The following PLVAP variants were observed in gnomAD, a reference collection of about 807,000 sequenced individuals.
PLVAP encodes plasmalemma vesicle associated protein.
PLVAP carries 34 observed loss-of-function variants against 43.1 expected under a neutral mutation model. That is an observed-to-expected ratio of 0.79 (90% CI 0.60 to 1.05). The LOEUF is 1.05. Ranked by LOEUF, PLVAP falls within the 50% of genes least tolerant of loss-of-function variation. The pLI is 0.00. For missense variants in PLVAP, 574 were observed against 593.4 expected (o/e 0.97, Z 0.34); for synonymous variants, 241 against 237.3 (o/e 1.02, Z -0.14).
chr19:17,371,512 C>T (rs2074572069), intron 1 of PLVAP, among the ~76,000 whole-genome samples: 1 of 151,504 alleles, frequency 6.6e-6, no homozygotes, highest in South Asian at 2.1e-4. Context: ...TTTTTTGAGA[C>T]ATGGTCTCAC....
At chr19:17,359,815 C>A (rs2074521140) in intron 5 of PLVAP, among the ~76,000 whole-genome samples, 1 of 151,792 alleles carries the variant, frequency 6.6e-6, no homozygotes, top group African/African-American at 2.4e-5. Context: ...GCCTCAGCCT[C>A]CTGAGTAGCT....
Position 17,352,386 on chromosome 19 carries a change from T to C in PLVAP, c.1323-18A>G. The C allele has an allele frequency of 6.2e-7, 1 of 1,612,800 alleles. No homozygotes were observed. The highest frequency in any genetic ancestry group is 8.5e-7 in the Non-Finnish European group (1 of 1,178,980). On this transcript the variant is annotated intron_variant, in intron 5 of 5. Transcript: ENST00000252590. ...CTCAGCCACTAGGGCAGGAAGGGGA[T>C]GGTAACACAACAGAGTGTCAGACAG...
At chr19:17,369,480 C>CAA (rs1227004358) in intron 1 of PLVAP, among the ~76,000 whole-genome samples, 1 of 143,102 alleles carries the variant, frequency 7.0e-6, no homozygotes, top group African/African-American at 2.5e-5. Context: ...GCTAAAAATA[C>CAA]AAAAATTAGC....
At position 17,352,197 on chromosome 19, in the gene PLVAP, G is replaced by A. The variant is rs906687323; in HGVS notation, c.*165C>T. 3.1e-5 allele frequency: 28 copies of A among 911,022 alleles called. No individual in the cohort carries two copies. The highest frequency in any genetic ancestry group is 1.7e-4 in the Admixed American group (8 of 46,950). The allele number at this position is 911,022 out of a possible 1,614,324, so 56.4% of individuals were successfully genotyped here. On this transcript the variant is annotated 3_prime_UTR_variant, in exon 6 of 6. Coordinates refer to ENST00000252590, the MANE Select transcript of PLVAP (RefSeq NM_031310.3). ...GAGGGATCGTGAGGCGCGGGTGCGG[G>A]TGTGAGAGGGTACTAGGGGTTTGCA...
At chr19:17,369,184 T>G (rs2074561858) in intron 1 of PLVAP, among the ~76,000 whole-genome samples, 1 of 151,700 alleles carries the variant, frequency 6.6e-6, no homozygotes, top group South Asian at 2.1e-4. Context: ...TTTTGTTTTT[T>G]TTTTTGTTGT....
rs769447223 is a variant in PLVAP, at chr19:17,366,083, C to T, written c.466+16G>A. The stretch of plus-strand genomic sequence containing the variant: ...GGGAGTCCACCACCCCGGCTCCCTG[C>T]AGCCTTAGCACTCACCATCGCAGCT... On this transcript the variant is annotated intron_variant, in intron 2 of 5. Transcript: ENST00000252590. 8.6e-5 allele frequency: 138 copies of T among 1,613,794 alleles called. No individual in the cohort carries two copies. Among genetic ancestry groups the T allele is most frequent in the Non-Finnish European group, 1.2e-4 (136 of 1,179,826 alleles).
chr19:17,364,286 G>T (rs891512000), intron 3 of PLVAP, among the ~76,000 whole-genome samples: 2 of 151,814 alleles, frequency 1.3e-5, no homozygotes, highest in East Asian at 1.9e-4. Flanking sequence ...AGGTTTCACC[G>T]TGTTGCCCAG....
chr19:17,355,138 T>C (rs754590236), intron 5 of PLVAP, among the ~76,000 whole-genome samples: 21 of 148,668 alleles, frequency 1.4e-4, no homozygotes, highest in Non-Finnish European at 2.1e-4. Context: ...GCAGGAGAAT[T>C]GCTTGAACCT....
In PLVAP at chr19:17,360,628, G is replaced by A. The variant is rs112086052; in HGVS notation, c.1241-19C>T. 1.7e-4 allele frequency: 268 copies of A among 1,606,596 alleles called. 1 individual carries two copies. The African/African-American group carries it at 2.7e-3, about 16-fold the overall frequency. On this transcript the variant is annotated intron_variant, in intron 4 of 5. Transcript: ENST00000252590. ...GCTGGGTCTGTGGAGGGAGAGAGGT[G>A]AGGCTTGACCTACAGCTTCAGTTGC...
In PLVAP at chr19:17,365,472, G is replaced by A. The variant is rs375676127; in HGVS notation, c.993C>T (p.Ala331=). The A allele has an allele frequency of 8.1e-6, 13 of 1,612,618 alleles. No homozygotes were observed. In the East Asian group the frequency reaches 1.3e-4, roughly 17 times the overall value. Residue 331 remains alanine, a synonymous_variant, in exon 3 of 6, where the codon GCC becomes GCT. Transcript: ENST00000252590. ...ATTCAGCTTGGAGCTTGGCCTCCCG[G>A]GCCTGAGCCTCCTTCTCCACCTTCT... ...AKQKVEKEAQ[A]REAKLQAECS... is the part of the protein sequence containing the mutation.
intron 1 of PLVAP, among the ~76,000 whole-genome samples, chr19:17,367,161 T>C (rs1025719804): frequency 4.6e-5 from 7 of 151,824 alleles, no homozygotes; most frequent in African/African-American, 1.7e-4. Flanking sequence ...CCGAGGCTGG[T>C]CTTGAACTCC....
intron 1 of PLVAP, among the ~76,000 whole-genome samples, chr19:17,370,169 G>A (rs1341415779): frequency 2.6e-5 from 4 of 152,096 alleles, no homozygotes; most frequent in African/African-American, 9.7e-5. Flanking sequence ...GAGGATGTGG[G>A]GAAATCAGAA....
At chr19:17,353,694 C>G (rs1318582293) in intron 5 of PLVAP, among the ~76,000 whole-genome samples, 1 of 152,144 alleles carries the variant, frequency 6.6e-6, no homozygotes, top group Non-Finnish European at 1.5e-5. Flanking sequence ...CCTGCCCTGT[C>G]TCTGGTAGAA....
intron 1 of PLVAP, among the ~76,000 whole-genome samples, chr19:17,370,023 A>AAAAAG (rs1568376575): frequency 6.9e-6 from 1 of 144,296 alleles, no homozygotes; most frequent in African/African-American, 2.7e-5. Context: ...AAAAAAAAAA[A>AAAAAG]AAAGAAAGAT....
At chr19:17,361,564 C>A (rs1000264796) in intron 3 of PLVAP, among the ~76,000 whole-genome samples, 1 of 152,146 alleles carries the variant, frequency 6.6e-6, no homozygotes. Flanking sequence ...CTAAATGCCA[C>A]CCCTGGAATA....
intron 1 of PLVAP, among the ~76,000 whole-genome samples, chr19:17,376,562 C>T (rs545281108): frequency 6.6e-6 from 1 of 152,142 alleles, no homozygotes; most frequent in South Asian, 2.1e-4. Context: ...ATTTGGGAGG[C>T]CAAGGCAGGC....
Position 17,377,070 on chromosome 19 carries a change from C to G in PLVAP, c.219G>C (p.Gln73His), listed in dbSNP as rs2074598564. The G allele has an allele frequency of 6.2e-7, 1 of 1,614,172 alleles. No homozygotes were observed. The highest frequency in any genetic ancestry group is 8.5e-7 in the Non-Finnish European group (1 of 1,180,040). ...ACTGGGAGGCCGTGAGCCCTAGGAG[C>G]TGACTGTATAGGCCCTCGGCTCGGC... Reference protein sequence around the residue: ...TERRAEGLYSQLLGLTASQSN... With the variant: ...TERRAEGLYSHLLGLTASQSN... The change falls in exon 1 of 6, where the codon CAG (glutamine) becomes CAC (histidine). Residue 73 changes from glutamine to histidine, a missense_variant. Physicochemically the swap from Gln to His is conservative, Grantham distance 24 (BLOSUM62 0). Coordinates refer to ENST00000252590, the MANE Select transcript of PLVAP (RefSeq NM_031310.3).
In PLVAP at chr19:17,352,126, C is replaced by CGT; in HGVS notation, c.*235_*236insAC. The CGT allele has an allele frequency of 1.7e-6, 1 of 579,880 alleles. No individual in the cohort carries two copies. The highest frequency in any genetic ancestry group is 3.1e-6 in the Non-Finnish European group (1 of 321,416). 35.9% of individuals were successfully genotyped at this position (579,880 alleles called of 1,614,324 possible). ...TCACCACGGTGATATGTGACGTCAG[C>CGT]GCCGTTGCTTGCGTGACGTCATCTC... is the stretch of plus-strand genomic sequence containing the variant. On this transcript the variant is annotated 3_prime_UTR_variant, in exon 6 of 6. Transcript: ENST00000252590.
chr19:17,365,417 C>T lies in PLVAP; in HGVS notation c.1048G>A (p.Glu350Lys). The change falls in exon 3 of 6, where the codon GAG (glutamate) becomes AAG (lysine). Residue 350 changes from glutamate (E) to lysine (K), a missense_variant. Physicochemically the swap from Glu to Lys is moderately conservative, Grantham distance 56 (BLOSUM62 1). Coordinates refer to ENST00000252590, the MANE Select transcript of PLVAP (RefSeq NM_031310.3). ...CSRQTQLALE[E>K]KAVLRKERDN... ...CGTTCCTTCCGCAGCACCGCCTTCT[C>T]CTCCAGCGCTAGCTGGGTCTGCCGG... The T allele has an allele frequency of 1.2e-6, 2 of 1,613,304 alleles. No individual in the cohort carries two copies. The highest frequency in any genetic ancestry group is 1.7e-6 in the Non-Finnish European group (2 of 1,180,026).
Sources: gnomAD v4.1 joint callset for allele counts (sites outside exome capture counted in the v4.1 genomes callset) on GRCh38, gnomAD v4.1.1 for gene constraint, MANE v1.5 for transcripts, NCBI Gene and HGNC (gene_info 2026-07-23, HGNC 2026-07-21) for gene names.